TMEM108: variants seen among roughly 807,000 people sequenced by gnomAD.
TMEM108 encodes the protein cancer/testis antigen 124.
In TMEM108, 12 loss-of-function variants were observed where a neutral mutation model predicts 35.1. That is an observed-to-expected ratio of 0.34 (90% confidence interval 0.22 to 0.55). TMEM108 has a LOEUF of 0.55. TMEM108 is among the 20% of genes least tolerant of loss of function. The pLI is 0.89. For missense variants in TMEM108, 680 were observed against 753.3 expected, an observed-to-expected ratio of 0.90 and a Z score of 1.14; for synonymous variants, 287 against 308.6, an observed-to-expected ratio of 0.93 and a Z score of 0.73.
chr3:133,317,465 T>G (rs1469185055), intron 3 of TMEM108, among the ~76,000 whole-genome samples: 3 of 152,188 alleles, frequency 2.0e-5, no homozygotes, highest in Non-Finnish European at 4.4e-5. Context: ...TTCTAAAAAT[T>G]GTGGGTAATA....
chr3:133,086,633 C>G (rs1237185730), intron 2 of TMEM108, among the ~76,000 whole-genome samples: 8 of 152,166 alleles, frequency 5.3e-5, no homozygotes, highest in Non-Finnish European at 1.2e-4. Flanking sequence ...GAGGTACACT[C>G]TGTGGTGAAC....
At chr3:133,387,935 C>T (rs1246548275) in intron 4 of TMEM108, 1 of 985,436 alleles carries the variant, frequency 1.0e-6, no homozygotes, top group African/African-American at 1.7e-5. Flanking sequence ...AAATATCTTT[C>T]TACCTTAGAG....
intron 3 of TMEM108, among the ~76,000 whole-genome samples, chr3:133,320,986 T>G (rs2071260382): frequency 6.6e-6 from 1 of 152,044 alleles, no homozygotes; most frequent in African/African-American, 2.4e-5. Flanking sequence ...CATTTGCCAC[T>G]CTCAAGCCAG....
chr3:133,130,398 G>A (rs1400077024), intron 2 of TMEM108, among the ~76,000 whole-genome samples: 2 of 152,160 alleles, frequency 1.3e-5, no homozygotes, highest in African/African-American at 2.4e-5. Context: ...AGAGGCTGTG[G>A]GTTAGAATCA....
chr3:133,208,458 A>T (rs1945789509), intron 2 of TMEM108, among the ~76,000 whole-genome samples: 2 of 152,284 alleles, frequency 1.3e-5, no homozygotes, highest in African/African-American at 4.8e-5. Context: ...GTAAACATTG[A>T]TGGGGATGAT....
intron 2 of TMEM108, among the ~76,000 whole-genome samples, chr3:133,124,370 ACTTTT>A (rs1944389440): frequency 6.6e-6 from 1 of 152,240 alleles, no homozygotes; most frequent in Middle Eastern, 3.2e-3. Context: ...TGATAATTTT[ACTTTT>A]CTTATAGCTG....
At chr3:133,073,935 A>C (rs191654499) in intron 2 of TMEM108, among the ~76,000 whole-genome samples, 1 of 152,006 alleles carries the variant, frequency 6.6e-6, no homozygotes, top group Non-Finnish European at 1.5e-5. Context: ...CATATTTGAA[A>C]AATATGGTCA....
intron 2 of TMEM108, among the ~76,000 whole-genome samples, chr3:133,175,429 C>G (rs967583778): frequency 6.6e-6 from 1 of 152,126 alleles, no homozygotes; most frequent in African/African-American, 2.4e-5. Flanking sequence ...AGAGAAAGGT[C>G]GGGTTACCCA....
chr3:133,080,897 A>C (rs1218170240), intron 2 of TMEM108, among the ~76,000 whole-genome samples: 1 of 152,144 alleles, frequency 6.6e-6, no homozygotes, highest in Non-Finnish European at 1.5e-5. Context: ...TCACATGAAA[A>C]AGGAACTCAT....
chr3:133,280,610 G>C (rs1156429333), intron 3 of TMEM108, among the ~76,000 whole-genome samples: 2 of 152,244 alleles, frequency 1.3e-5, no homozygotes, highest in Admixed American at 6.5e-5. Flanking sequence ...CAAATAAAGG[G>C]ATCTATATCA....
At chr3:133,143,921 CTTTTAT>C (rs1944675595) in intron 2 of TMEM108, among the ~76,000 whole-genome samples, 1 of 131,190 alleles carries the variant, frequency 7.6e-6, no homozygotes, top group Admixed American at 7.7e-5. Context: ...GGAAGGCTCA[CTTTTAT>C]TTTATTTTAT....
chr3:133,226,161 G>A (rs1428666918), intron 2 of TMEM108, among the ~76,000 whole-genome samples: 1 of 152,204 alleles, frequency 6.6e-6, no homozygotes. Context: ...CAATAGAAAG[G>A]AGTGTCTGGG....
At chr3:133,272,843 G>C (rs575624889) in intron 3 of TMEM108, among the ~76,000 whole-genome samples, 1 of 152,064 alleles carries the variant, frequency 6.6e-6, no homozygotes, top group Non-Finnish European at 1.5e-5. Context: ...ACCATTTTTG[G>C]CTGTCACAAT....
intron 2 of TMEM108, among the ~76,000 whole-genome samples, chr3:133,061,417 G>A (rs1943533816): frequency 6.6e-6 from 1 of 152,082 alleles, no homozygotes; most frequent in Non-Finnish European, 1.5e-5. Context: ...GTTTCACCGT[G>A]TTAGCCAAGA....
At chr3:133,106,507 A>G (rs1944155275) in intron 2 of TMEM108, among the ~76,000 whole-genome samples, 1 of 152,196 alleles carries the variant, frequency 6.6e-6, no homozygotes, top group Non-Finnish European at 1.5e-5. Context: ...GTGGCCAACC[A>G]TGATCCCCAG....
In TMEM108 at chr3:133,346,471, G is replaced by T. The variant is rs1279912684; in HGVS notation, c.41-33281G>T. ...GGCTATCTGTATTATCTTCATTGGTGAGGTATCTGTTCAGATCTCTTGCCC... is the reference window on the plus strand; with the variant it reads ...GGCTATCTGTATTATCTTCATTGGTTAGGTATCTGTTCAGATCTCTTGCCC... On this transcript the variant is annotated intron_variant, in intron 3 of 5. Transcript: ENST00000321871. This position sits in a 1 kb window ranked among gnomAD's most constrained non-coding sequence, Gnocchi z 4.0. Among the ~76,000 whole-genome samples, 1 of 151,924 alleles carries T rather than the reference G, an allele frequency of 6.6e-6. No individual in the cohort carries two copies. The highest frequency in any genetic ancestry group is 1.9e-4 in the East Asian group (1 of 5,198).
At chr3:133,174,687 C>G (rs890874289) in intron 2 of TMEM108, among the ~76,000 whole-genome samples, 2 of 152,142 alleles carry the variant, frequency 1.3e-5, no homozygotes, top group Non-Finnish European at 2.9e-5. Flanking sequence ...ACATCACCAT[C>G]ATCAAAGACC....
intron 2 of TMEM108, among the ~76,000 whole-genome samples, chr3:133,105,019 A>G (rs947494959): frequency 1.3e-5 from 2 of 152,218 alleles, no homozygotes; most frequent in African/African-American, 4.8e-5. Context: ...GAAGCCCACA[A>G]GAGGCATCTG....
intron 5 of TMEM108, among the ~76,000 whole-genome samples, chr3:133,394,757 TGTC>T (rs2073281669): frequency 6.6e-6 from 1 of 152,282 alleles, no homozygotes; most frequent in African/African-American, 2.4e-5. Flanking sequence ...AGGAAATTCT[TGTC>T]TTCTGAAAAG....
Sources: gnomAD v4.1 joint callset for allele counts (sites outside exome capture counted in the v4.1 genomes callset) on GRCh38, gnomAD v4.1.1 for gene constraint, Gnocchi (gnomAD v3.1) non-coding constraint, MANE v1.5 for transcripts, NCBI Gene and HGNC (gene_info 2026-07-23, HGNC 2026-07-21) for gene names.